The following ARHGAP23 variants were observed in gnomAD, a reference collection of about 807,000 sequenced individuals.
ARHGAP23 encodes the protein rho GTPase-activating protein 23.
Under a neutral mutation model 136.3 loss-of-function variants are expected in ARHGAP23, and 34 were observed. The ratio of observed to expected loss-of-function variants is 0.25; its 90% confidence interval spans 0.19 to 0.33. The LOEUF (loss-of-function observed/expected upper bound fraction) is 0.33. Among genes scored for constraint, ARHGAP23 ranks in the 10% least tolerant of loss-of-function variants. ARHGAP23 has a pLI of 1.00. For synonymous variants in ARHGAP23, 832 were observed against 920.5 expected, an observed-to-expected ratio of 0.90 and a Z score of 1.74; for missense variants, 1,808 against 2,139.0, an observed-to-expected ratio of 0.85 and a Z score of 3.05.
At chr17:38,420,620 C>T (rs72834038) in intron 1 of ARHGAP23, among the ~76,000 whole-genome samples, 14,760 of 151,722 alleles carry the variant, frequency 0.097, 801 homozygotes, top group East Asian at 0.18. Flanking sequence ...AGGGGTGACC[C>T]TAAGTTCTGG....
chr17:38,509,982 G>A lies in ARHGAP23; in HGVS notation c.3486G>A (p.Glu1162=). Residue 1162 remains glutamate (E), a synonymous_variant, in exon 24 of 24, where the codon GAG becomes GAA. Coordinates refer to ENST00000622683, the MANE Select transcript of ARHGAP23 (RefSeq NM_001199417.2). ...WAPKKEPYAR[E]MLAISFISAV... ...CCAAGAAGGAGCCGTACGCCCGGGA[G>A]ATGCTGGCGATCTCCTTCATCTCGG... 4.8e-6 allele frequency: 6 copies of A among 1,250,522 alleles called. No individual in the cohort carries two copies. The highest frequency in any genetic ancestry group is 6.0e-6 in the Non-Finnish European group (6 of 992,812). 77.5% of individuals were successfully genotyped at this position (1,250,522 alleles called of 1,614,324 possible).
At chr17:38,476,283 G>A (rs182001107) in intron 11 of ARHGAP23, among the ~76,000 whole-genome samples, 13 of 152,310 alleles carry the variant, frequency 8.5e-5, no homozygotes, top group Admixed American at 1.3e-4. Flanking sequence ...CGTTGATGGC[G>A]TGGACCGGGT....
chr17:38,469,663 G>T, intron 9 of ARHGAP23, 28 bp downstream of exon 9: 2 of 1,544,998 alleles, frequency 1.3e-6, no homozygotes, highest in South Asian at 2.4e-5. Flanking sequence ...CACGGGGTGG[G>T]GTGGCCACAG....
Position 38,500,635 on chromosome 17 carries a change from A to T in ARHGAP23, c.3447+7A>T. The T allele has an allele frequency of 1.9e-6, 3 of 1,548,770 alleles. No individual in the cohort carries two copies. The highest frequency in any genetic ancestry group is 2.6e-6 in the Non-Finnish European group (3 of 1,146,182). On this transcript the variant is annotated splice_region_variant and intron_variant, in intron 23 of 23. Coordinates refer to ENST00000622683, the MANE Select transcript of ARHGAP23 (RefSeq NM_001199417.2). The stretch of plus-strand genomic sequence containing the variant: ...TAGTTCAGCCAAGTCCAAGGTACGT[A>T]TGAAGGCAATTCTGAAGGCTTGATC...
At chr17:38,430,262 G>A (rs1190613426) in intron 1 of ARHGAP23, among the ~76,000 whole-genome samples, 1 of 152,148 alleles carries the variant, frequency 6.6e-6, no homozygotes, top group African/African-American at 2.4e-5. Context: ...AAGAACCCAG[G>A]ACACTTGAGG....
upstream of ARHGAP23, among the ~76,000 whole-genome samples, chr17:38,424,215 T>G (rs1470740778): frequency 2.0e-5 from 3 of 152,076 alleles, no homozygotes; most frequent in African/African-American, 7.2e-5. Context: ...ATACTTTTCC[T>G]CCAGTCCGCT....
At chr17:38,427,800 ACT>A (rs1354715848), upstream of ARHGAP23, among the ~76,000 whole-genome samples, 3 of 151,464 alleles carry the variant, frequency 2.0e-5, no homozygotes, top group Admixed American at 6.6e-5. Context: ...CTGGGCTGAG[ACT>A]CTGGCTGGGA....
At chr17:38,504,403 G>C (rs1027434046) in intron 23 of ARHGAP23, among the ~76,000 whole-genome samples, 6 of 152,200 alleles carry the variant, frequency 3.9e-5, no homozygotes, top group Non-Finnish European at 8.8e-5. Context: ...GAGAGCCTGC[G>C]GCCTCCTGTC....
chr17:38,453,338 G>C (rs1335690413), intron 1 of ARHGAP23, among the ~76,000 whole-genome samples: 1 of 151,832 alleles, frequency 6.6e-6, no homozygotes, highest in Non-Finnish European at 1.5e-5. Flanking sequence ...AGAGTGGGTA[G>C]GGTGTGCAGC....
chr17:38,466,242 C>T lies in ARHGAP23; in HGVS notation c.559C>T (p.Pro187Ser). 1.3e-6 allele frequency: 2 copies of T among 1,546,944 alleles called. No homozygotes were observed. The highest frequency in any genetic ancestry group is 1.4e-5 in the African/African-American group (1 of 72,682). ...GEARSIPEPP[P>S]ICYPRKTYAP... ...GGCCCGCAGCATCCCAGAGCCACCC[C>T]CGATCTGCTACCCCCGCAAGACCTA... Residue 187 changes from proline to serine, a missense_variant, in exon 7 of 24, where the codon CCG becomes TCG. This residue lies in a region of ARHGAP23 where 859 missense variants were observed against 936.4 expected (regional missense o/e 0.92). Coordinates refer to ENST00000622683, the MANE Select transcript of ARHGAP23 (RefSeq NM_001199417.2).
At chr17:38,458,304 C>A in intron 2 of ARHGAP23, 41 bp downstream of exon 2, 1 of 1,464,926 alleles carries the variant, frequency 6.8e-7, no homozygotes, top group Non-Finnish European at 9.0e-7. Flanking sequence ...GGGAAGCTTT[C>A]ATGAGGGAGG....
At chr17:38,430,724 T>C (rs559991223) in intron 1 of ARHGAP23, among the ~76,000 whole-genome samples, 27 of 152,268 alleles carry the variant, frequency 1.8e-4, no homozygotes, top group African/African-American at 6.5e-4. Flanking sequence ...TCCTCCAGTA[T>C]AGTGGGTCAA....
intron 14 of ARHGAP23, among the ~76,000 whole-genome samples, chr17:38,481,399 G>A (rs1490698433): frequency 2.0e-5 from 3 of 151,624 alleles, no homozygotes; most frequent in Non-Finnish European, 2.9e-5. Context: ...CGCCCGCCTC[G>A]GCCTCCCATA....
upstream of ARHGAP23, among the ~76,000 whole-genome samples, chr17:38,427,067 C>T (rs1177600934): frequency 6.6e-6 from 1 of 152,180 alleles, no homozygotes; most frequent in Non-Finnish European, 1.5e-5. Flanking sequence ...GCCCCTTAAA[C>T]TGAAAAAGTC....
At position 38,510,150 on chromosome 17, in the gene ARHGAP23, T is replaced by C; in HGVS notation, c.3654T>C (p.Pro1218=). 1 of 1,280,580 alleles carries C rather than the reference T, an allele frequency of 7.8e-7. No homozygotes were observed. Among genetic ancestry groups the C allele is most frequent in the South Asian group, 3.0e-5 (1 of 33,708 alleles). The allele number at this position is 1,280,580 out of a possible 1,614,324, so 79.3% of individuals were successfully genotyped here. A position where few individuals can be genotyped will look rare whatever the true frequency, so the allele number is the denominator to read the frequency against. ...GTQERPQGPL[P]GAVAPEAPGR... ...AGGAGCGGCCGCAGGGGCCGCTGCCTGGCGCCGTCGCCCCCGAGGCCCCCG... is the reference window on the plus strand; with the variant it reads ...AGGAGCGGCCGCAGGGGCCGCTGCCCGGCGCCGTCGCCCCCGAGGCCCCCG... Residue 1218 remains proline, a synonymous_variant, in exon 24 of 24, where the codon CCT becomes CCC. Transcript: ENST00000622683. This position sits in a 1 kb window ranked among gnomAD's most constrained non-coding sequence, Gnocchi z 4.6.
At chr17:38,433,661 G>T (rs1262067035) in intron 1 of ARHGAP23, among the ~76,000 whole-genome samples, 1 of 152,158 alleles carries the variant, frequency 6.6e-6, no homozygotes, top group Non-Finnish European at 1.5e-5. Flanking sequence ...CCTACTGTGG[G>T]GCATTGAGGA....
intron 1 of ARHGAP23, among the ~76,000 whole-genome samples, chr17:38,430,575 G>C (rs1159649589): frequency 6.6e-6 from 1 of 152,186 alleles, no homozygotes; most frequent in Non-Finnish European, 1.5e-5. Flanking sequence ...ACTTCTTGAT[G>C]TGTAAGGTTA....
intron 1 of ARHGAP23, among the ~76,000 whole-genome samples, chr17:38,420,573 T>G: frequency 6.7e-6 from 1 of 148,458 alleles, no homozygotes; most frequent in Non-Finnish European, 1.5e-5. Context: ...TGAGGAGGAG[T>G]GGAGGGTGAG....
At chr17:38,419,276 C>T (rs1398662623), upstream of ARHGAP23, 1 of 151,436 alleles carries the variant, frequency 6.6e-6, no homozygotes, top group Non-Finnish European at 1.5e-5. Flanking sequence ...ACACCAGCCG[C>T]TACTTGCGCT....
Sources: gnomAD v4.1 joint callset for allele counts (sites outside exome capture counted in the v4.1 genomes callset) on GRCh38, gnomAD v4.1.1 for gene constraint, gnomAD v4.1.1 regional missense constraint, Gnocchi (gnomAD v3.1) non-coding constraint, MANE v1.5 for transcripts, NCBI Gene and HGNC (gene_info 2026-07-23, HGNC 2026-07-21) for gene names.